The following ZNF730 variants were observed in gnomAD, a reference collection of about 807,000 sequenced individuals.
ZNF730 encodes putative zinc finger protein 730.
Under a neutral mutation model 12.6 loss-of-function variants are expected in ZNF730, and 12 were observed. The ratio of observed to expected loss-of-function variants is 0.95; its 90% CI spans 0.61 to 1.54. The LOEUF is 1.54. Ranked by LOEUF, ZNF730 falls within the 40% of genes most tolerant of loss-of-function variation. The pLI is 0.00. For missense variants in ZNF730, 643 were observed against 583.5 expected, an observed-to-expected ratio of 1.10 and a Z score of -1.05; for synonymous variants, 194 against 195.8, an observed-to-expected ratio of 0.99 and a Z score of 0.08.
chr19:23,142,045 TACAC>T lies in ZNF730; in HGVS notation c.227-3220_227-3217del, dbSNP rs561951692. 1.3e-3 allele frequency among the ~76,000 whole-genome samples: 195 copies of T among 152,226 alleles called. 1 individual carries two copies. The highest frequency in any genetic ancestry group is 4.4e-3 in the African/African-American group (183 of 41,546). On this transcript the variant is annotated intron_variant, in intron 3 of 3. Coordinates refer to ENST00000597761, the MANE Select transcript of ZNF730 (RefSeq NM_001277403.2). ...TGTGAGAGATATATATACTCACACA[TACAC>T]ACACAGAAACAAACACACACACATA...
At position 23,145,880 on chromosome 19, in the gene ZNF730, CT is replaced by C; in HGVS notation, c.837del (p.Gly280GlufsTer81). On this transcript the variant is annotated frameshift_variant, in exon 4 of 4. Coordinates refer to ENST00000597761, the MANE Select transcript of ZNF730 (RefSeq NM_001277403.2). LOFTEE classifies it low-confidence loss of function (END_TRUNC). ...TNLTTHKRIH[T>X]GEKPYKCEEC... ...CTTACTACACATAAAAGAATTCATACTGGAGAGAAACCCTATAAATGTGAAG... is the reference window on the plus strand; with the variant it reads ...CTTACTACACATAAAAGAATTCATACGGAGAGAAACCCTATAAATGTGAAG... The C allele has an allele frequency of 6.2e-7, 1 of 1,610,556 alleles. No individual in the cohort carries two copies. The highest frequency in any genetic ancestry group is 8.5e-7 in the Non-Finnish European group (1 of 1,179,494).
At chr19:23,100,433 G>C (rs1207549254) in intron 1 of ZNF730, 1 of 152,142 alleles carries the variant, frequency 6.6e-6, no homozygotes, top group African/African-American at 2.4e-5. Context: ...GCCCTAGTGT[G>C]TTACAGAGAA....
intron 1 of ZNF730, among the ~76,000 whole-genome samples, chr19:23,130,170 A>G (rs887833909): frequency 7.2e-5 from 11 of 152,030 alleles, no homozygotes; most frequent in African/African-American, 2.7e-4. Context: ...ACGGTGGGAG[A>G]TGATTCAGTT....
intron 1 of ZNF730, among the ~76,000 whole-genome samples, chr19:23,085,847 T>C (rs1490095899): frequency 3.9e-5 from 4 of 103,470 alleles, no homozygotes; most frequent in Admixed American, 9.3e-5. Flanking sequence ...TTTTTTTTTT[T>C]TTTTTTTTTT....
At chr19:23,136,735 CTT>C (rs768555021) in intron 3 of ZNF730, among the ~76,000 whole-genome samples, 2 of 142,178 alleles carry the variant, frequency 1.4e-5, no homozygotes. Flanking sequence ...TGTCCTCCTG[CTT>C]TTTTTTTTTT....
chr19:23,106,172 T>A (rs4932819), intron 1 of ZNF730, among the ~76,000 whole-genome samples: 10 of 151,130 alleles, frequency 6.6e-5, no homozygotes, highest in East Asian at 1.9e-4. Context: ...GAAGGGGAGA[T>A]GGAGAAATAG....
chr19:23,145,283 A>AT lies in ZNF730; in HGVS notation c.240dup (p.Ile81TyrfsTer24). On this transcript the variant is annotated frameshift_variant, in exon 4 of 4. Transcript: ENST00000597761. LOFTEE classifies it low-confidence loss of function (END_TRUNC). Reference sequence around the variant, plus strand: ...TTATTTCTTTCAGTTATATGTTCTCATATTGCCCAAGACCTTTGGCCAGAG... The same window carrying AT: ...TTATTTCTTTCAGTTATATGTTCTCATTATTGCCCAAGACCTTTGGCCAGAG... 1 of 1,533,198 alleles carries AT rather than the reference A, an allele frequency of 6.5e-7. No homozygotes were observed. The allele number at this position is 1,533,198 out of a possible 1,614,324, so 95.0% of individuals were successfully genotyped here.
At chr19:23,120,691 C>T (rs1406532101) in intron 1 of ZNF730, among the ~76,000 whole-genome samples, 2 of 151,960 alleles carry the variant, frequency 1.3e-5, no homozygotes, top group Non-Finnish European at 2.9e-5. Flanking sequence ...TATGACTTTT[C>T]ATGTCTAAAT....
rs368361296 is a variant in ZNF730, at chr19:23,077,873, C to G, written c.-94+2486C>G. 7.0e-4 allele frequency among the ~76,000 whole-genome samples: 107 copies of G among 152,246 alleles called. 1 individual carries two copies. In the South Asian group the frequency reaches 0.022, roughly 31 times the overall value. ...ATGCTATTAATCTGTAACCCTACCC[C>G]CAACCCTGTGCTCACAGAGACAAGT... On this transcript the variant is annotated intron_variant, in intron 1 of 2. Coordinates refer to the ZNF730 transcript ENST00000593635.
intron 1 of ZNF730, among the ~76,000 whole-genome samples, chr19:23,129,716 G>A (rs968643785): frequency 1.4e-4 from 22 of 151,942 alleles, no homozygotes; most frequent in African/African-American, 5.3e-4. Context: ...ACTTTGGGCC[G>A]GGCGTGGTGG....
At position 23,093,004 on chromosome 19, in the gene ZNF730, T is replaced by C. The variant is rs140967467; in HGVS notation, c.-94+17617T>C. 1.4e-3 allele frequency among the ~76,000 whole-genome samples: 218 copies of C among 152,286 alleles called. 1 individual carries two copies. Among genetic ancestry groups the C allele is most frequent in the African/African-American group, 5.0e-3 (209 of 41,568 alleles). Reference sequence around the variant, plus strand: ...TGTTTTTTTGTTTTTGTTTTTGTTTTTTTGAGACAAAACAAAACTCTTGTC... The same window carrying C: ...TGTTTTTTTGTTTTTGTTTTTGTTTCTTTGAGACAAAACAAAACTCTTGTC... On this transcript the variant is annotated intron_variant, in intron 1 of 2. Coordinates refer to the ZNF730 transcript ENST00000593635.
At chr19:23,087,910 G>A (rs1485131286) in intron 1 of ZNF730, among the ~76,000 whole-genome samples, 2 of 151,582 alleles carry the variant, frequency 1.3e-5, no homozygotes, top group African/African-American at 4.8e-5. Flanking sequence ...ACCACACTCA[G>A]CCTAGATGCC....
intron 1 of ZNF730, among the ~76,000 whole-genome samples, chr19:23,109,683 G>A (rs920437576): frequency 6.6e-6 from 1 of 152,112 alleles, no homozygotes; most frequent in Non-Finnish European, 1.5e-5. Context: ...CAAGTGCTGG[G>A]ATTACAGGTG....
chr19:23,095,580 G>T lies in ZNF730; in HGVS notation c.-94+20193G>T, dbSNP rs116254436. ...AGAGGACATTGTGACATGTCACTGG[G>T]CCTAATACTAAGATGACATCATTCT... On this transcript the variant is annotated intron_variant, in intron 1 of 2. Coordinates refer to the ZNF730 transcript ENST00000593635. 1,099 of 396,688 alleles carry T rather than the reference G, an allele frequency of 2.8e-3. 7 individuals are homozygous for T. Among genetic ancestry groups the T allele is most frequent in the African/African-American group, 0.02 (976 of 48,678 alleles). 24.6% of individuals were successfully genotyped at this position (396,688 alleles called of 1,614,324 possible).
At chr19:23,093,172 C>T (rs1031233461) in intron 1 of ZNF730, among the ~76,000 whole-genome samples, 2 of 152,138 alleles carry the variant, frequency 1.3e-5, no homozygotes, top group African/African-American at 2.4e-5. Flanking sequence ...TACAGGACTT[C>T]GCCCTGTTAG....
chr19:23,077,503 T>A (rs1599560165), intron 1 of ZNF730, among the ~76,000 whole-genome samples: 1 of 141,204 alleles, frequency 7.1e-6, no homozygotes, highest in East Asian at 2.3e-4. Flanking sequence ...AGTAGCAGTG[T>A]CTTGGCTCAC....
intron 1 of ZNF730, among the ~76,000 whole-genome samples, chr19:23,106,219 GAGGAGGAAGGAAAAGC>G (rs375334914): frequency 1.7e-3 from 255 of 151,348 alleles, no homozygotes; most frequent in African/African-American, 6.1e-3. Flanking sequence ...GAAAAAAGAG[GAGGAGGAAGGAAAAGC>G]AGGAGGAAGA....
chr19:23,116,322 TTCTTTCTTTCTTTC>T (rs1970521041), upstream of ZNF730, among the ~76,000 whole-genome samples: 1 of 29,846 alleles, frequency 3.4e-5, no homozygotes, highest in African/African-American at 5.9e-5. Flanking sequence ...TTCTTTTCTT[TTCTTTCTTTCTTTC>T]CTTTCTTTCC....
upstream of ZNF730, among the ~76,000 whole-genome samples, chr19:23,116,022 A>G (rs762768485): frequency 7.9e-5 from 12 of 152,362 alleles, 1 homozygote; most frequent in Middle Eastern, 6.8e-3. Context: ...GTAACGCTGC[A>G]ATACATGTAG....
Sources: allele counts gnomAD v4.1 joint callset (sites outside exome capture counted in the v4.1 genomes callset), GRCh38; gene constraint gnomAD v4.1.1; transcripts MANE v1.5; gene names NCBI Gene and HGNC (gene_info 2026-07-23, HGNC 2026-07-21).